The following LCN2 variants were observed in gnomAD, a reference collection of about 807,000 sequenced individuals.
The protein encoded by LCN2 is neutrophil gelatinase-associated lipocalin.
LCN2 carries 27 observed loss-of-function variants against 26.4 expected under a neutral mutation model. The ratio of observed to expected loss-of-function variants is 1.02; its 90% confidence interval spans 0.76 to 1.41. The LOEUF is 1.41. Ranked by LOEUF, LCN2 falls within the 40% of genes most tolerant of loss-of-function variation. The probability of loss-of-function intolerance (pLI) is 0.00; values close to 1 mark genes in which losing one functional copy is unlikely to be tolerated. For synonymous variants in LCN2, 94 were observed against 98.9 expected (o/e 0.95, Z 0.30); for missense variants, 224 against 237.6 (o/e 0.94, Z 0.38).
rs147792047 is a variant in LCN2, at chr9:128,149,631, G to T, written c.106G>T (p.Val36Phe). ...GATCCCAGCCCCACCTCTGAGCAAG[G>T]TCCCTCTGCAGCAGAACTTCCAGGA... is the stretch of plus-strand genomic sequence containing the variant. ...DLIPAPPLSK[V>F]PLQQNFQDNQ... Residue 36 changes from valine to phenylalanine, a missense_variant, in exon 1 of 7, where the codon GTC (valine) becomes TTC (phenylalanine). Physicochemically the swap from Val to Phe is conservative, Grantham distance 50. Coordinates refer to ENST00000277480, the MANE Select transcript of LCN2 (RefSeq NM_005564.5). 1 of 1,613,960 alleles carries T rather than the reference G, an allele frequency of 6.2e-7. No individual in the cohort carries two copies. Among genetic ancestry groups the T allele is most frequent in the Admixed American group, 1.7e-5 (1 of 60,020 alleles).
chr9:128,149,925 G>A (rs1377830274), intron 1 of LCN2, among the ~76,000 whole-genome samples: 3 of 150,320 alleles, frequency 2.0e-5, no homozygotes, highest in African/African-American at 7.4e-5. Context: ...GAAGGTGGGA[G>A]CACTTTTAGT....
At chr9:128,152,134 GA>G in intron 4 of LCN2, 48 bp from the exon 5 acceptor site, 2 of 1,609,890 alleles carry the variant, frequency 1.2e-6, no homozygotes, top group Non-Finnish European at 1.7e-6. Flanking sequence ...CTCATTCAAC[GA>G]TATTTATGTG....
chr9:128,152,070 T>C (rs1183523434), intron 4 of LCN2, 45 bp downstream of exon 4: 2 of 1,613,066 alleles, frequency 1.2e-6, no homozygotes, highest in African/African-American at 2.7e-5. Flanking sequence ...CTGATCACAC[T>C]TAGTGGGAGG....
intron 2 of LCN2, chr9:128,151,326 CGGG>C (rs370467308): frequency 5.4e-6 from 3 of 553,266 alleles, no homozygotes; most frequent in African/African-American, 4.0e-5. Context: ...TGTTGGGTGG[CGGG>C]GGGGGTGAAA....
At chr9:128,150,545 A>G (rs764661581) in intron 2 of LCN2, 171 bp downstream of exon 2, 6 of 831,652 alleles carry the variant, frequency 7.2e-6, no homozygotes, top group African/African-American at 1.7e-5. Flanking sequence ...CCATGCAGAC[A>G]CACAGACAGT....
At position 128,151,479 on chromosome 9, in the gene LCN2, G is replaced by T. The variant is rs537503331; in HGVS notation, c.276-159G>T. On this transcript the variant is annotated intron_variant, in intron 2 of 6. Transcript: ENST00000277480. ...AGGCCCAGGCCCATCTCGGCTGGGT[G>T]GGGTAGGGCCCCTCCAGGTAGTGGG... is the stretch of plus-strand genomic sequence containing the variant. 4 of 654,436 alleles carry T rather than the reference G, an allele frequency of 6.1e-6. No individual in the cohort carries two copies. The East Asian group carries it at 1.1e-4, about 18-fold the overall frequency. 40.5% of individuals were successfully genotyped at this position (654,436 alleles called of 1,614,324 possible).
chr9:128,151,517 A>ACGGGTTGGGC, intron 2 of LCN2, 121 bp from the exon 3 acceptor site: 2 of 769,632 alleles, frequency 2.6e-6, no homozygotes, highest in Non-Finnish European at 2.3e-6. Context: ...ATGAGCTGTC[A>ACGGGTTGGGC]CGGGTTGGGC....
rs1834992288 is a variant in LCN2, at chr9:128,150,238, T to G, written c.139T>G (p.Phe47Val). 1.2e-6 allele frequency: 2 copies of G among 1,613,334 alleles called. No homozygotes were observed. Among genetic ancestry groups the G allele is most frequent in the East Asian group, 2.2e-5 (1 of 44,862 alleles). The change falls in exon 2 of 7, where the codon TTC (phenylalanine) becomes GTC (valine). Residue 47 changes from phenylalanine to valine, a missense_variant and splice_region_variant. Phe to Val is a conservative substitution (Grantham distance 50). Coordinates refer to ENST00000277480, the MANE Select transcript of LCN2 (RefSeq NM_005564.5). Reference protein sequence around the residue: ...PLQQNFQDNQFQGKWYVVGLA... With the variant: ...PLQQNFQDNQVQGKWYVVGLA... ...TGTGCCTCTTATCAGTCCCTTGCAG[T>G]TCCAGGGGAAGTGGTATGTGGTAGG...
chr9:128,152,077 G>A (rs1835013996), intron 4 of LCN2, 52 bp downstream of exon 4: 2 of 1,612,688 alleles, frequency 1.2e-6, no homozygotes, highest in Non-Finnish European at 1.7e-6. Flanking sequence ...CACTTAGTGG[G>A]AGGGGAGGCC....
rs911626928 is a variant in LCN2 at position 128,153,022 on chromosome 9, G to A, written c.578-78G>A. On this transcript the variant is annotated intron_variant, in intron 5 of 6. Coordinates refer to ENST00000277480, the MANE Select transcript of LCN2 (RefSeq NM_005564.5). The surrounding 1 kb of genome is among the most constrained non-coding windows in gnomAD (Gnocchi z 5.4). ...CAGGGGCAGTGCAGAGGACCTGGCA[G>A]TCAGGGATCACACACACACACTCAT... The A allele has an allele frequency of 6.2e-7, 1 of 1,608,344 alleles. No individual in the cohort carries two copies. The highest frequency in any genetic ancestry group is 8.5e-7 in the Non-Finnish European group (1 of 1,175,738).
rs376730351 is a variant in LCN2, at chr9:128,150,087, T to C, written c.139-151T>C. ...ACTGATGGCCTCCTGCTCCTGCCCC[T>C]TCACCAGTGCAGGCCCAGCCTGGGC... On this transcript the variant is annotated intron_variant, in intron 1 of 6. Transcript: ENST00000277480. 2.3e-4 allele frequency: 228 copies of C among 970,534 alleles called. No individual in the cohort carries two copies. The East Asian group carries it at 5.5e-3, about 24-fold the overall frequency. The allele number at this position is 970,534 out of a possible 1,614,324, so 60.1% of individuals were successfully genotyped here.
At position 128,152,032 on chromosome 9, in the gene LCN2, C is replaced by T; in HGVS notation, c.475+7C>T. On this transcript the variant is annotated splice_region_variant and intron_variant, in intron 4 of 6. Coordinates refer to ENST00000277480, the MANE Select transcript of LCN2 (RefSeq NM_005564.5). ...TTCAAGATCACCCTCTACGGTGGGT[C>T]CTCTCCCATCCCCTCGGGGACTGGC... is the stretch of plus-strand genomic sequence containing the variant. The T allele has an allele frequency of 6.2e-7, 1 of 1,613,986 alleles. No individual in the cohort carries two copies. Among genetic ancestry groups the T allele is most frequent in the South Asian group, 1.1e-5 (1 of 91,068 alleles).
chr9:128,150,481 T>C (rs1363798078), intron 2 of LCN2, 107 bp downstream of exon 2: 1 of 1,366,272 alleles, frequency 7.3e-7, no homozygotes, highest in East Asian at 2.3e-5. Flanking sequence ...CTGCCCGGAA[T>C]TCATCTGTGT....
chr9:128,152,846 G>A (rs1034152410), intron 5 of LCN2, among the ~76,000 whole-genome samples: 3 of 152,178 alleles, frequency 2.0e-5, no homozygotes, highest in African/African-American at 4.8e-5. Flanking sequence ...CTGGGTGCCC[G>A]AGGAGCCTGG....
chr9:128,151,849 G>C, intron 3 of LCN2, 57 bp from the exon 4 acceptor site: 1 of 1,610,010 alleles, frequency 6.2e-7, no homozygotes, highest in Non-Finnish European at 8.5e-7. Context: ...GGAGGGAGGG[G>C]ACAGCTCCCT....
intron 1 of LCN2, 126 bp from the exon 2 acceptor site, chr9:128,150,112 C>A: frequency 8.0e-7 from 1 of 1,256,188 alleles, no homozygotes; most frequent in Non-Finnish European, 1.1e-6. Context: ...CCAGCCTGGG[C>A]CCTGCTGCCC....
rs1422426093 is a variant in LCN2 at position 128,152,000 on chromosome 9, G to T, written c.450G>T (p.Arg150Ser). 2 of 1,614,008 alleles carry T rather than the reference G, an allele frequency of 1.2e-6. No homozygotes were observed. Among genetic ancestry groups the T allele is most frequent in the Non-Finnish European group, 1.7e-6 (2 of 1,180,010 alleles). Residue 150 changes from arginine to serine, a missense_variant, in exon 4 of 7, where the codon AGG becomes AGT. Arg to Ser is a moderately radical substitution (Grantham distance 110). Coordinates refer to ENST00000277480, the MANE Select transcript of LCN2 (RefSeq NM_005564.5). ...TCTTCAAGAAAGTTTCTCAAAACAG[G>T]GAGTACTTCAAGATCACCCTCTACG... is the stretch of plus-strand genomic sequence containing the variant. ...MVFFKKVSQN[R>S]EYFKITLYGR...
At chr9:128,152,922 C>T (rs1321173204) in intron 5 of LCN2, among the ~76,000 whole-genome samples, 178 bp from the exon 6 acceptor site, 1 of 152,154 alleles carries the variant, frequency 6.6e-6, no homozygotes, top group Non-Finnish European at 1.5e-5. Flanking sequence ...CCCTGCCATC[C>T]ACCCCTCTGT....
chr9:128,152,199 G>C lies in LCN2; in HGVS notation c.492G>C (p.Leu164=), dbSNP rs763885267. The C allele has an allele frequency of 1.9e-6, 3 of 1,614,108 alleles. No individual in the cohort carries two copies. Among genetic ancestry groups the C allele is most frequent in the Non-Finnish European group, 2.5e-6 (3 of 1,180,004 alleles). The change falls in exon 5 of 7, where the codon CTG becomes CTC. Residue 164 remains leucine, a synonymous_variant. Transcript: ENST00000277480. ...KITLYGRTKE[L]TSELKENFIR... Reference sequence around the variant, plus strand: ...TGGTCACAGGGAGAACCAAGGAGCTGACTTCGGAACTAAAGGAGAACTTCA... The same window carrying C: ...TGGTCACAGGGAGAACCAAGGAGCTCACTTCGGAACTAAAGGAGAACTTCA...
Sources: gnomAD v4.1 joint callset for allele counts (sites outside exome capture counted in the v4.1 genomes callset) on GRCh38, gnomAD v4.1.1 for gene constraint, Gnocchi (gnomAD v3.1) non-coding constraint, MANE v1.5 for transcripts, NCBI Gene and HGNC (gene_info 2026-07-23, HGNC 2026-07-21) for gene names.